The following IQGAP2 variants were observed in gnomAD, a reference collection of about 807,000 sequenced individuals.
IQGAP2 encodes ras GTPase-activating-like protein IQGAP2.
Under a neutral mutation model 201.3 loss-of-function variants are expected in IQGAP2, and 173 were observed. The ratio of observed to expected loss-of-function variants is 0.86; its 90% confidence interval spans 0.76 to 0.98. The LOEUF is 0.98. Ranked by LOEUF, IQGAP2 falls within the 50% of genes least tolerant of loss-of-function variation. The pLI, the probability that IQGAP2 is intolerant of heterozygous loss-of-function variation, is 0.00. For missense variants in IQGAP2, 1,687 were observed against 1,864.8 expected (o/e 0.90, Z 1.76); for synonymous variants, 675 against 673.9 (o/e 1.00, Z -0.03).
At chr5:76,441,944 G>A (rs532549255) in intron 1 of IQGAP2, among the ~76,000 whole-genome samples, 4 of 152,172 alleles carry the variant, frequency 2.6e-5, no homozygotes, top group Non-Finnish European at 5.9e-5. Flanking sequence ...CTGGAAGCAG[G>A]AAGAGCTGTT....
chr5:76,577,878 C>T (rs1745575036), intron 5 of IQGAP2, among the ~76,000 whole-genome samples: 1 of 152,180 alleles, frequency 6.6e-6, no homozygotes, highest in Non-Finnish European at 1.5e-5. Flanking sequence ...GTTGTTATTA[C>T]CTGGTAGAGT....
In IQGAP2 at chr5:76,592,910, A is replaced by G. The variant is rs1348026683; in HGVS notation, c.892A>G (p.Ile298Val). Reference sequence around the variant, plus strand: ...GACACAAGCAGAAATCCAAGGCAATATTAATAAAGTCAACAGTAAGTAATG... The same window carrying G: ...GACACAAGCAGAAATCCAAGGCAATGTTAATAAAGTCAACAGTAAGTAATG... ...LLTQAEIQGN[I>V]NKVNRQAAVD... The change falls in exon 9 of 36, where the codon ATT becomes GTT. Residue 298 changes from isoleucine (I) to valine (V), a missense_variant. By Grantham distance (29) the Ile-to-Val change is conservative. Coordinates refer to ENST00000274364, the MANE Select transcript of IQGAP2 (RefSeq NM_006633.5). 2 of 1,606,636 alleles carry G rather than the reference A, an allele frequency of 1.2e-6. No homozygotes were observed. Among genetic ancestry groups the G allele is most frequent in the Non-Finnish European group, 1.7e-6 (2 of 1,173,360 alleles).
chr5:76,614,303 T>C (rs1260847317), intron 13 of IQGAP2, among the ~76,000 whole-genome samples: 2 of 152,156 alleles, frequency 1.3e-5, no homozygotes, highest in African/African-American at 4.8e-5. Context: ...GTAGCTTTCA[T>C]GGTGTGATTA....
intron 4 of IQGAP2, among the ~76,000 whole-genome samples, chr5:76,574,089 A>G (rs1745305612): frequency 1.3e-5 from 2 of 152,278 alleles, no homozygotes; most frequent in South Asian, 4.1e-4. Flanking sequence ...CTCAGTGACC[A>G]ATAGGAAATT....
intron 20 of IQGAP2, among the ~76,000 whole-genome samples, chr5:76,657,681 G>C (rs1288666676): frequency 1.3e-5 from 2 of 152,150 alleles, no homozygotes; most frequent in East Asian, 3.9e-4. Context: ...ACCCAGATCT[G>C]ATCTCCCTAA....
At chr5:76,589,761 A>G in intron 7 of IQGAP2, 33 bp downstream of exon 7, 1 of 1,199,384 alleles carries the variant, frequency 8.3e-7, no homozygotes. Context: ...CTTGCCATGG[A>G]TGTGAGACTT....
chr5:76,470,450 C>T (rs879597657), intron 2 of IQGAP2, among the ~76,000 whole-genome samples: 1 of 152,042 alleles, frequency 6.6e-6, no homozygotes, highest in Admixed American at 6.6e-5. Context: ...GAAATGGACC[C>T]CAGAAAGGGA....
intron 2 of IQGAP2, among the ~76,000 whole-genome samples, chr5:76,481,464 C>T (rs895500000): frequency 5.3e-5 from 8 of 151,620 alleles, no homozygotes; most frequent in Admixed American, 3.3e-4. Flanking sequence ...CTCTCTGAAA[C>T]CTCTGCCTCC....
intron 1 of IQGAP2, among the ~76,000 whole-genome samples, chr5:76,421,394 G>A (rs768885706): frequency 1.9e-4 from 29 of 151,996 alleles, no homozygotes; most frequent in Non-Finnish European, 3.7e-4. Context: ...CAGGAGGATC[G>A]CTTGAGGCCA....
At chr5:76,612,878 G>A (rs1398534446) in intron 13 of IQGAP2, among the ~76,000 whole-genome samples, 1 of 152,032 alleles carries the variant, frequency 6.6e-6, no homozygotes, top group Non-Finnish European at 1.5e-5. Context: ...TGTACTGCTT[G>A]GATTTTTAAA....
At chr5:76,701,978 G>A in intron 34 of IQGAP2, 1 of 153,052 alleles carries the variant, frequency 6.5e-6, no homozygotes, top group East Asian at 1.9e-4. Context: ...TGGGATTACA[G>A]GCACATGCCA....
chr5:76,487,686 G>A (rs369456433), intron 2 of IQGAP2, among the ~76,000 whole-genome samples: 21 of 152,176 alleles, frequency 1.4e-4, no homozygotes, highest in Middle Eastern at 3.4e-3. Context: ...TTTATGCAGC[G>A]AGGTTAGAGA....
At chr5:76,498,511 G>C (rs969743521) in intron 2 of IQGAP2, among the ~76,000 whole-genome samples, 1 of 152,092 alleles carries the variant, frequency 6.6e-6, no homozygotes, top group Non-Finnish European at 1.5e-5. Context: ...GCAGGGAGTC[G>C]GTTTGCATCT....
At chr5:76,436,717 A>T (rs1001243025) in intron 1 of IQGAP2, among the ~76,000 whole-genome samples, 97 of 149,344 alleles carry the variant, frequency 6.5e-4, no homozygotes, top group African/African-American at 2.3e-3. Context: ...TTTAGTAGAG[A>T]TGGGGTTTCA....
intron 2 of IQGAP2, among the ~76,000 whole-genome samples, chr5:76,465,082 A>G (rs775656006): frequency 6.6e-6 from 1 of 152,200 alleles, no homozygotes; most frequent in Non-Finnish European, 1.5e-5. Context: ...TGAGGCCTAC[A>G]TTACCCTAAT....
rs1387400603 is a variant in IQGAP2 at position 76,677,312 on chromosome 5, A to G, written c.3622A>G (p.Ile1208Val). The G allele has an allele frequency of 2.5e-6, 4 of 1,613,900 alleles. No homozygotes were observed. In the African/African-American group the frequency reaches 4.0e-5, roughly 16 times the overall value. ...TDLVTVSKPV[I>V]YISIEEIIST... ...CCTGGTGACAGTCAGCAAACCAGTCATTTATATTTCAATTGAAGAAATCAT... is the reference window on the plus strand; with the variant it reads ...CCTGGTGACAGTCAGCAAACCAGTCGTTTATATTTCAATTGAAGAAATCAT... The change falls in exon 28 of 36, where the codon ATT (isoleucine) becomes GTT (valine). Residue 1208 changes from isoleucine to valine, a missense_variant. Ile to Val is a conservative substitution (Grantham distance 29). Transcript: ENST00000274364.
chr5:76,440,613 G>T (rs1752971097), intron 1 of IQGAP2, among the ~76,000 whole-genome samples: 1 of 152,070 alleles, frequency 6.6e-6, no homozygotes, highest in African/African-American at 2.4e-5. Flanking sequence ...GTGCATCCTG[G>T]GTGTGTATTA....
At chr5:76,482,815 C>T (rs1755867939) in intron 2 of IQGAP2, among the ~76,000 whole-genome samples, 1 of 152,148 alleles carries the variant, frequency 6.6e-6, no homozygotes, top group Non-Finnish European at 1.5e-5. Context: ...TTTTGTTCTT[C>T]TCAAACAATG....
At chr5:76,669,623 A>G (rs573535950) in intron 23 of IQGAP2, among the ~76,000 whole-genome samples, 1 of 152,168 alleles carries the variant, frequency 6.6e-6, no homozygotes, top group African/African-American at 2.4e-5. Context: ...AACAGCTACA[A>G]TTTTTATAAG....
Sources: allele counts gnomAD v4.1 joint callset (sites outside exome capture counted in the v4.1 genomes callset), GRCh38; gene constraint gnomAD v4.1.1; transcripts MANE v1.5; gene names NCBI Gene and HGNC (gene_info 2026-07-23, HGNC 2026-07-21).